CDK14: variants seen among roughly 807,000 people sequenced by gnomAD.
CDK14 encodes cyclin dependent kinase 14.
A neutral mutation model predicts 60.7 loss-of-function variants in CDK14; 34 were observed. That is an observed-to-expected ratio of 0.56 (90% CI 0.43 to 0.75). The LOEUF (loss-of-function observed/expected upper bound fraction) is 0.75, where lower values mean the gene tolerates loss of function less well. CDK14 is among the 30% of genes least tolerant of loss of function. The pLI is 0.00. For missense variants in CDK14, 482 were observed against 564.1 expected, an observed-to-expected ratio of 0.85 and a Z score of 1.47; for synonymous variants, 197 against 203.7, an observed-to-expected ratio of 0.97 and a Z score of 0.28.
At chr7:91,112,853 G>GGAGAGA (rs56973703) in intron 13 of CDK14, among the ~76,000 whole-genome samples, 172 bp downstream of exon 13, 253 of 148,556 alleles carry the variant, frequency 1.7e-3, no homozygotes, top group East Asian at 2.8e-3. Flanking sequence ...GTGTATGTGT[G>GGAGAGA]GAGAGAGAGA....
intron 2 of CDK14, among the ~76,000 whole-genome samples, chr7:90,717,689 T>G (rs1161868847): frequency 6.6e-6 from 1 of 152,150 alleles, no homozygotes; most frequent in East Asian, 1.9e-4. Flanking sequence ...GAAGGTACCT[T>G]GTTTTTAATG....
chr7:90,694,146 G>A (rs1040910245), intron 2 of CDK14, among the ~76,000 whole-genome samples: 1 of 152,186 alleles, frequency 6.6e-6, no homozygotes, highest in Admixed American at 6.5e-5. Flanking sequence ...GCTTGGCACT[G>A]TGCCTGATGT....
At chr7:90,608,753 T>C (rs1799473499) in intron 2 of CDK14, among the ~76,000 whole-genome samples, 1 of 152,206 alleles carries the variant, frequency 6.6e-6, no homozygotes, top group South Asian at 2.1e-4. Context: ...GTTTGTGAAG[T>C]AGAAGGCTGC....
chr7:90,925,405 G>T (rs527601198), intron 8 of CDK14, among the ~76,000 whole-genome samples: 8 of 152,194 alleles, frequency 5.3e-5, no homozygotes, highest in African/African-American at 1.9e-4. Context: ...CATATCATGC[G>T]AATGGAATAA....
chr7:90,769,276 G>A (rs1804689873), intron 4 of CDK14, among the ~76,000 whole-genome samples: 1 of 152,072 alleles, frequency 6.6e-6, no homozygotes, highest in Non-Finnish European at 1.5e-5. Context: ...CATTTTGGGT[G>A]AAAACTGAGC....
At chr7:90,881,032 TCTC>T (rs1159761938) in intron 6 of CDK14, among the ~76,000 whole-genome samples, 2 of 152,074 alleles carry the variant, frequency 1.3e-5, no homozygotes, top group Admixed American at 6.6e-5. Context: ...GAGGGCCTCT[TCTC>T]CTCCAAATGA....
intron 12 of CDK14, among the ~76,000 whole-genome samples, chr7:91,089,207 G>A (rs936110136): frequency 2.6e-5 from 4 of 152,094 alleles, no homozygotes; most frequent in African/African-American, 7.2e-5. Flanking sequence ...ATCAAACCAC[G>A]TCAACCATTC....
chr7:90,984,872 G>A (rs1303423467), intron 10 of CDK14, among the ~76,000 whole-genome samples: 1 of 152,148 alleles, frequency 6.6e-6, no homozygotes, highest in Admixed American at 6.5e-5. Flanking sequence ...TACATGACTG[G>A]TAGTCTTCAA....
intron 14 of CDK14, among the ~76,000 whole-genome samples, chr7:91,120,536 C>CTTTTT (rs5885756): frequency 7.2e-6 from 1 of 139,308 alleles, no homozygotes; most frequent in South Asian, 2.3e-4. Context: ...ACTTGTAAAG[C>CTTTTT]TTTTTTTTTT....
rs1789863288 is a variant in CDK14, at chr7:90,829,998, G to A, written c.545-33177G>A. Among the ~76,000 whole-genome samples, 4 of 152,212 alleles carry A rather than the reference G, an allele frequency of 2.6e-5. No individual in the cohort carries two copies. In the South Asian group the frequency reaches 8.3e-4, roughly 32 times the overall value. On this transcript the variant is annotated intron_variant, in intron 5 of 14. Transcript: ENST00000380050. ...CTTCACGGGCTGGTGTTGAATGTCTGTGGCTTTTCCAGGCCTTTGGTGCAA... is the reference window on the plus strand; with the variant it reads ...CTTCACGGGCTGGTGTTGAATGTCTATGGCTTTTCCAGGCCTTTGGTGCAA...
At chr7:91,069,768 G>A (rs977820086) in intron 11 of CDK14, among the ~76,000 whole-genome samples, 3 of 152,114 alleles carry the variant, frequency 2.0e-5, no homozygotes, top group Non-Finnish European at 2.9e-5. Flanking sequence ...GACACAATCA[G>A]ATTTCCAATG....
intron 2 of CDK14, among the ~76,000 whole-genome samples, chr7:90,613,726 C>CGTCA (rs969296844): frequency 6.6e-6 from 1 of 151,972 alleles, no homozygotes; most frequent in Non-Finnish European, 1.5e-5. Flanking sequence ...TGACCTTTGA[C>CGTCA]GTAGGAAGTC....
intron 2 of CDK14, among the ~76,000 whole-genome samples, chr7:90,634,413 A>G (rs1020554970): frequency 1.7e-4 from 25 of 150,940 alleles, no homozygotes; most frequent in Middle Eastern, 3.4e-3. Flanking sequence ...GCGATAGTTT[A>G]CTGAGAATGA....
At chr7:91,126,275 G>A (rs1799941709) in intron 14 of CDK14, among the ~76,000 whole-genome samples, 1 of 152,178 alleles carries the variant, frequency 6.6e-6, no homozygotes, top group Non-Finnish European at 1.5e-5. Context: ...TATTAGTTAA[G>A]AATGCCCAGA....
chr7:90,894,480 T>C (rs1792234881), intron 6 of CDK14, among the ~76,000 whole-genome samples: 2 of 152,186 alleles, frequency 1.3e-5, no homozygotes, highest in African/African-American at 2.4e-5. Flanking sequence ...GGAAAGTCTT[T>C]TAAGTTTTCC....
chr7:90,641,315 A>G (rs17868897), intron 2 of CDK14, among the ~76,000 whole-genome samples: 2 of 152,172 alleles, frequency 1.3e-5, no homozygotes, highest in African/African-American at 4.8e-5. Context: ...CGACACAGAA[A>G]CTTTTGCACC....
intron 10 of CDK14, among the ~76,000 whole-genome samples, chr7:91,033,450 C>T (rs969931320): frequency 6.6e-6 from 1 of 152,192 alleles, no homozygotes; most frequent in Admixed American, 6.5e-5. Context: ...GTCGAAAAGT[C>T]CAATTAGAAT....
At chr7:91,163,199 G>A (rs1801222910) in intron 14 of CDK14, among the ~76,000 whole-genome samples, 1 of 152,158 alleles carries the variant, frequency 6.6e-6, no homozygotes, top group Non-Finnish European at 1.5e-5. Flanking sequence ...CTTCTTGCTG[G>A]ATCATAGTTA....
At chr7:90,851,775 T>TG (rs1790652710) in intron 5 of CDK14, among the ~76,000 whole-genome samples, 1 of 51,454 alleles carries the variant, frequency 1.9e-5, no homozygotes, top group South Asian at 6.3e-4. Context: ...TGAATACCTG[T>TG]TTTTTTTTTA....
Sources: allele counts gnomAD v4.1 joint callset (sites outside exome capture counted in the v4.1 genomes callset), GRCh38; gene constraint gnomAD v4.1.1; transcripts MANE v1.5; gene names NCBI Gene and HGNC (gene_info 2026-07-23, HGNC 2026-07-21).